The following CRPPA variants were observed in gnomAD, a reference collection of about 807,000 sequenced individuals.
CRPPA encodes the protein CDP-L-ribitol pyrophosphorylase A.
CRPPA carries 43 observed loss-of-function variants against 52.0 expected under a neutral mutation model. The ratio of observed to expected loss-of-function variants is 0.83; its 90% confidence interval spans 0.65 to 1.07. The LOEUF is 1.07. CRPPA is among the 50% of genes least tolerant of loss of function. CRPPA has a pLI of 0.00. For missense variants in CRPPA, 629 were observed against 551.7 expected (o/e 1.14, Z -1.40); for synonymous variants, 250 against 203.5 (o/e 1.23, Z -1.94).
intron 5 of CRPPA, among the ~76,000 whole-genome samples, chr7:16,288,007 T>C (rs1784485938): frequency 6.6e-6 from 1 of 151,910 alleles, no homozygotes; most frequent in Non-Finnish European, 1.5e-5. Context: ...AGACTATGTA[T>C]AGACAAAGGA....
At chr7:16,163,709 T>C (rs1780975230) in intron 9 of CRPPA, among the ~76,000 whole-genome samples, 2 of 152,202 alleles carry the variant, frequency 1.3e-5, no homozygotes, top group Non-Finnish European at 2.9e-5. Context: ...AAGGCAGGCC[T>C]GGTGGTGACA....
At chr7:16,221,443 A>G (rs1241177937) in intron 8 of CRPPA, among the ~76,000 whole-genome samples, 4 of 152,334 alleles carry the variant, frequency 2.6e-5, no homozygotes, top group Non-Finnish European at 1.5e-5. Flanking sequence ...AAATTGACAA[A>G]TGGGATCTGA....
chr7:16,397,315 C>G (rs970161903), intron 2 of CRPPA, among the ~76,000 whole-genome samples: 11 of 152,284 alleles, frequency 7.2e-5, no homozygotes, highest in Admixed American at 1.3e-4. Flanking sequence ...GTAACTGACA[C>G]GTGATGGACA....
intron 8 of CRPPA, among the ~76,000 whole-genome samples, chr7:16,222,590 C>T (rs967292598): frequency 3.3e-5 from 5 of 152,038 alleles, no homozygotes; most frequent in Non-Finnish European, 5.9e-5. Context: ...AGTATTACAT[C>T]TACTAAGAAA....
chr7:16,153,156 T>C (rs1783109122), intron 9 of CRPPA, among the ~76,000 whole-genome samples: 1 of 152,178 alleles, frequency 6.6e-6, no homozygotes, highest in Non-Finnish European at 1.5e-5. Context: ...GCTTATCAAA[T>C]TGAATAAAAA....
chr7:16,321,141 A>C (rs1413854170), intron 3 of CRPPA, among the ~76,000 whole-genome samples: 1 of 152,154 alleles, frequency 6.6e-6, no homozygotes, highest in African/African-American at 2.4e-5. Context: ...TATCTATCAA[A>C]CACTGCCTAG....
intron 3 of CRPPA, among the ~76,000 whole-genome samples, chr7:16,339,933 A>C (rs2158489): frequency 2.0e-5 from 3 of 151,856 alleles, no homozygotes; most frequent in Non-Finnish European, 4.4e-5. Flanking sequence ...AGGAAAGGAA[A>C]AGAGAGCCCA....
intron 9 of CRPPA, 118 bp from the exon 10 acceptor site, chr7:16,091,917 A>T (rs1012286327): frequency 7.4e-6 from 4 of 542,132 alleles, no homozygotes; most frequent in Non-Finnish European, 1.3e-5. Flanking sequence ...TTAGAAACTC[A>T]GACTCTAGCC....
chr7:16,243,240 TG>T (rs528974823), intron 8 of CRPPA, among the ~76,000 whole-genome samples: 38 of 152,304 alleles, frequency 2.5e-4, no homozygotes, highest in African/African-American at 8.4e-4. Context: ...AGAAGGTGCC[TG>T]CTTCTCCTTC....
intron 9 of CRPPA, among the ~76,000 whole-genome samples, chr7:16,121,213 G>T (rs1782474051): frequency 6.6e-6 from 1 of 151,912 alleles, no homozygotes; most frequent in Non-Finnish European, 1.5e-5. Flanking sequence ...GAGAAAACAT[G>T]CTTTTAAATG....
chr7:16,286,097 A>AAAAAAAT lies in CRPPA; in HGVS notation c.836-7872_836-7871insATTTTTT. Among the ~76,000 whole-genome samples, 4 of 39,118 alleles carry AAAAAAAT rather than the reference A, an allele frequency of 1.0e-4. 1 individual carries two copies. The highest frequency in any genetic ancestry group is 5.5e-4 in the African/African-American group (3 of 5,450). The allele number at this position is 39,118 out of a possible 152,430, so 25.7% of individuals were successfully genotyped here. ...TATATATATAATATTTAAAAAAAAA[A>AAAAAAAT]ATATATATATATATATATATGCCAA... On this transcript the variant is annotated intron_variant, in intron 5 of 9. Transcript: ENST00000407010.
intron 8 of CRPPA, among the ~76,000 whole-genome samples, chr7:16,225,580 C>T (rs4721482): frequency 2.1e-3 from 322 of 152,052 alleles, no homozygotes; most frequent in Admixed American, 4.1e-3. Context: ...CAGGTATATG[C>T]TTCTCCAAAA....
intron 8 of CRPPA, among the ~76,000 whole-genome samples, chr7:16,250,939 TA>T (rs760368501): frequency 6.6e-6 from 1 of 151,806 alleles, no homozygotes; most frequent in Non-Finnish European, 1.5e-5. Flanking sequence ...GCAAATTGGA[TA>T]AACAGTCAAG....
intron 9 of CRPPA, among the ~76,000 whole-genome samples, chr7:16,141,186 T>C (rs1224218775): frequency 6.6e-6 from 1 of 152,206 alleles, no homozygotes; most frequent in Non-Finnish European, 1.5e-5. Context: ...TTATGATTTT[T>C]CTATGGCTGC....
At position 16,323,885 on chromosome 7, in the gene CRPPA, G is replaced by A. The variant is rs527916974; in HGVS notation, c.685-15258C>T. On this transcript the variant is annotated intron_variant, in intron 3 of 9. Transcript: ENST00000407010. ...TGTTATTCTATTCATAAACACATTC[G>A]AAACTAAGCAGCTTTGAAAGCACCT... 2.6e-5 allele frequency among the ~76,000 whole-genome samples: 4 copies of A among 152,146 alleles called. 1 individual carries two copies. The highest frequency in any genetic ancestry group is 7.2e-5 in the African/African-American group (3 of 41,508).
At chr7:16,152,759 C>T (rs536768414) in intron 9 of CRPPA, among the ~76,000 whole-genome samples, 13 of 151,982 alleles carry the variant, frequency 8.6e-5, no homozygotes, top group African/African-American at 2.2e-4. Flanking sequence ...AGCCTTTAGG[C>T]GGTTCGCAAT....
At chr7:16,104,813 T>C (rs1782117296) in intron 9 of CRPPA, among the ~76,000 whole-genome samples, 1 of 151,804 alleles carries the variant, frequency 6.6e-6, no homozygotes, top group Non-Finnish European at 1.5e-5. Context: ...GGCAGAAGAA[T>C]TGCTTGAACC....
intron 9 of CRPPA, among the ~76,000 whole-genome samples, chr7:16,158,815 C>T (rs927415162): frequency 2.6e-5 from 4 of 152,210 alleles, no homozygotes; most frequent in African/African-American, 9.6e-5. Flanking sequence ...GTGGTTGAGA[C>T]ATGGCTGCTG....
chr7:16,273,219 GCCACACC>G (rs1784128622), intron 6 of CRPPA, among the ~76,000 whole-genome samples: 1 of 151,104 alleles, frequency 6.6e-6, no homozygotes, highest in Non-Finnish European at 1.5e-5. Flanking sequence ...CCTGGTGAGG[GCCACACC>G]CTTAGGCCTG....
Sources: allele counts gnomAD v4.1 joint callset (sites outside exome capture counted in the v4.1 genomes callset), GRCh38; gene constraint gnomAD v4.1.1; transcripts MANE v1.5; gene names NCBI Gene and HGNC (gene_info 2026-07-23, HGNC 2026-07-21).